Variants in RPS6KC1 observed in about 807,000 individuals in gnomAD.
The protein encoded by RPS6KC1 is ribosomal protein S6 kinase C1, also known as inactive ribosomal protein S6 kinase delta-1.
In RPS6KC1, 54 loss-of-function variants were observed where a neutral mutation model predicts 103.8. That is an observed-to-expected ratio of 0.52 (90% CI 0.42 to 0.65). The LOEUF (loss-of-function observed/expected upper bound fraction) is 0.65. RPS6KC1 is among the 30% of genes least tolerant of loss of function. RPS6KC1 has a pLI of 0.00. For missense variants in RPS6KC1, 1,151 were observed against 1,253.8 expected, an observed-to-expected ratio of 0.92 and a Z score of 1.24; for synonymous variants, 439 against 438.7, an observed-to-expected ratio of 1.00 and a Z score of -0.01.
chr1:213,354,044 C>T, the RPS6KC1 span, among the ~76,000 whole-genome samples: 1 of 152,198 alleles, frequency 6.6e-6, no homozygotes, highest in Admixed American at 6.5e-5. Context: ...GGTGTGTCTG[C>T]CCTTTTGGCA....
At chr1:213,612,972 A>T in the RPS6KC1 span, among the ~76,000 whole-genome samples, 63 of 152,258 alleles carry the variant, frequency 4.1e-4, no homozygotes, top group Middle Eastern at 6.8e-3. Flanking sequence ...GGAAATCAAC[A>T]CTTCTTTCCC....
chr1:213,157,907 G>A (rs1358562650), intron 6 of RPS6KC1, among the ~76,000 whole-genome samples: 1 of 152,096 alleles, frequency 6.6e-6, no homozygotes, highest in Non-Finnish European at 1.5e-5. Flanking sequence ...ACCTTTTAAT[G>A]TTATAAAATG....
At chr1:213,293,168 T>C in the RPS6KC1 span, among the ~76,000 whole-genome samples, 1 of 152,238 alleles carries the variant, frequency 6.6e-6, no homozygotes, top group Non-Finnish European at 1.5e-5. Context: ...TGACAAGGTA[T>C]AACTTTCTTC....
intron 6 of RPS6KC1, among the ~76,000 whole-genome samples, chr1:213,144,801 G>T (rs1198994489): frequency 1.3e-5 from 2 of 152,118 alleles, no homozygotes; most frequent in African/African-American, 2.4e-5. Context: ...TTCAGGGCCA[G>T]TGCAGAGGTT....
the RPS6KC1 span, among the ~76,000 whole-genome samples, chr1:213,367,874 T>A: frequency 6.6e-6 from 1 of 152,190 alleles, no homozygotes; most frequent in African/African-American, 2.4e-5. Context: ...AGATGAAAAT[T>A]AGCCTTGAGA....
the RPS6KC1 span, among the ~76,000 whole-genome samples, chr1:213,692,378 G>C: frequency 7.6e-6 from 1 of 131,412 alleles, no homozygotes; most frequent in African/African-American, 2.8e-5. Context: ...CTGGGAGTGA[G>C]ACTCTGTCTC....
the RPS6KC1 span, among the ~76,000 whole-genome samples, chr1:213,416,210 G>T: frequency 2.9e-3 from 449 of 152,326 alleles, 2 homozygotes; most frequent in Non-Finnish European, 5.3e-3. Flanking sequence ...TGTCCTGCAG[G>T]AATGTGCTCC....
At chr1:213,665,372 G>A in the RPS6KC1 span, among the ~76,000 whole-genome samples, 1 of 151,756 alleles carries the variant, frequency 6.6e-6, no homozygotes. Context: ...CAGGCATAGA[G>A]AATTTACACA....
chr1:213,202,286 A>G (rs528488721), intron 8 of RPS6KC1, among the ~76,000 whole-genome samples: 4 of 152,246 alleles, frequency 2.6e-5, no homozygotes, highest in African/African-American at 9.6e-5. Flanking sequence ...GCCCTAATTA[A>G]TGAATTTACA....
chr1:213,560,572 C>G, the RPS6KC1 span, among the ~76,000 whole-genome samples: 1 of 152,142 alleles, frequency 6.6e-6, no homozygotes, highest in African/African-American at 2.4e-5. Context: ...TTCCCAGAGC[C>G]TACATATGAG....
chr1:213,807,827 G>A, the RPS6KC1 span, among the ~76,000 whole-genome samples: 21,517 of 152,170 alleles, frequency 0.14, 2,188 homozygotes, highest in African/African-American at 0.29. Context: ...GAGGAACTGC[G>A]ATCCTTTGGA....
At chr1:213,728,943 T>TTG in the RPS6KC1 span, among the ~76,000 whole-genome samples, 3 of 99,228 alleles carry the variant, frequency 3.0e-5, no homozygotes, top group East Asian at 9.0e-4. Context: ...GAGGGTTTTT[T>TTG]TTTTGTTTTT....
chr1:213,399,835 T>C, the RPS6KC1 span, among the ~76,000 whole-genome samples: 1 of 152,154 alleles, frequency 6.6e-6, no homozygotes. Context: ...CATGCTGTTT[T>C]CAGGCCCTCT....
the RPS6KC1 span, among the ~76,000 whole-genome samples, chr1:213,516,289 G>A: frequency 7.9e-4 from 120 of 152,180 alleles, no homozygotes; most frequent in African/African-American, 2.8e-3. Flanking sequence ...GGTGAGAGAG[G>A]GCATCCCTGT....
chr1:213,628,270 C>T, the RPS6KC1 span, among the ~76,000 whole-genome samples: 5 of 151,868 alleles, frequency 3.3e-5, no homozygotes, highest in Admixed American at 2.6e-4. Flanking sequence ...AGGTGATGTC[C>T]CCTTTATCAT....
At chr1:213,665,036 C>T in the RPS6KC1 span, among the ~76,000 whole-genome samples, 3 of 151,996 alleles carry the variant, frequency 2.0e-5, no homozygotes, top group Non-Finnish European at 4.4e-5. Context: ...AAATCATGGG[C>T]TTTATAGAAC....
chr1:213,184,133 T>C (rs1315235059), intron 8 of RPS6KC1, among the ~76,000 whole-genome samples: 1 of 152,146 alleles, frequency 6.6e-6, no homozygotes, highest in African/African-American at 2.4e-5. Context: ...GATGAAATCT[T>C]GAGGCTCAAA....
At chr1:213,069,671 T>A (rs528712199) in intron 1 of RPS6KC1, among the ~76,000 whole-genome samples, 6 of 152,232 alleles carry the variant, frequency 3.9e-5, no homozygotes, top group Non-Finnish European at 7.3e-5. Context: ...TGTGTTTGAT[T>A]TATCTTTTTT....
chr1:213,396,187 A>T, the RPS6KC1 span, among the ~76,000 whole-genome samples: 2 of 152,118 alleles, frequency 1.3e-5, no homozygotes, highest in African/African-American at 4.8e-5. Context: ...ATATCTAGGA[A>T]GTTTATCACC....
Sources: gnomAD v4.1 joint callset for allele counts (sites outside exome capture counted in the v4.1 genomes callset) on GRCh38, gnomAD v4.1.1 for gene constraint, MANE v1.5 for transcripts, NCBI Gene and HGNC (gene_info 2026-07-23, HGNC 2026-07-21) for gene names.